The following GATM variants were observed in gnomAD, a reference collection of about 807,000 sequenced individuals.
GATM encodes the protein glycine amidinotransferase, mitochondrial.
Under a neutral mutation model 54.2 loss-of-function variants are expected in GATM, and 23 were observed. The ratio of observed to expected loss-of-function variants is 0.42; its 90% confidence interval spans 0.31 to 0.60. The LOEUF is 0.60. Ranked by LOEUF, GATM falls within the 20% of genes least tolerant of loss-of-function variation. The probability of loss-of-function intolerance (pLI) is 0.14; values close to 1 mark genes in which losing one functional copy is unlikely to be tolerated. For missense variants in GATM, 401 were observed against 544.9 expected, an observed-to-expected ratio of 0.74 and a Z score of 2.63; for synonymous variants, 168 against 183.1, an observed-to-expected ratio of 0.92 and a Z score of 0.67.
chr15:45,394,613 G>A (rs1889907129), intron 3 of GATM, among the ~76,000 whole-genome samples: 1 of 152,160 alleles, frequency 6.6e-6, no homozygotes, highest in African/African-American at 2.4e-5. Context: ...AACATACTGA[G>A]TTCACTCAAA....
rs992583136 is a variant in GATM, at chr15:45,365,005, C to T, written c.979-145G>A. On this transcript the variant is annotated intron_variant, in intron 6 of 8. Coordinates refer to ENST00000396659, the MANE Select transcript of GATM (RefSeq NM_001482.3). ...AAAGAAAGAAATTAAAATTTCTAAA[C>T]ATTTGGGTGATTTTGTCTGAATCCT... The T allele has an allele frequency of 1.7e-4, 117 of 703,910 alleles. No individual in the cohort carries two copies. In the Middle Eastern group the frequency reaches 3.9e-3, roughly 24 times the overall value. The allele number at this position is 703,910 out of a possible 1,614,324, so 43.6% of individuals were successfully genotyped here.
intron 3 of GATM, among the ~76,000 whole-genome samples, chr15:45,395,180 C>A (rs1220964494): frequency 6.6e-6 from 1 of 152,198 alleles, no homozygotes; most frequent in African/African-American, 2.4e-5. Flanking sequence ...TGCAGACAAT[C>A]TCTATCCTAT....
chr15:45,374,351 A>G (rs1595485109), intron 2 of GATM, among the ~76,000 whole-genome samples: 2 of 152,240 alleles, frequency 1.3e-5, no homozygotes, highest in Admixed American at 6.5e-5. Flanking sequence ...GTAAAATCGC[A>G]TGATATGAAA....
intron 3 of GATM, among the ~76,000 whole-genome samples, chr15:45,385,928 T>C (rs917549176): frequency 2.6e-5 from 4 of 152,246 alleles, no homozygotes; most frequent in Non-Finnish European, 5.9e-5. Flanking sequence ...CTGTCATTTC[T>C]ACTCAAATTT....
At chr15:45,399,780 A>G (rs1889976999) in intron 1 of GATM, among the ~76,000 whole-genome samples, 2 of 152,262 alleles carry the variant, frequency 1.3e-5, no homozygotes, top group Non-Finnish European at 1.5e-5. Context: ...ACAATCCTGT[A>G]GCCTTCAGGC....
chr15:45,396,340 A>G (rs1889929997), intron 3 of GATM: 1 of 152,208 alleles, frequency 6.6e-6, no homozygotes, highest in Non-Finnish European at 1.5e-5. Context: ...CAGATTTAAT[A>G]TAACTCAGAT....
At chr15:45,370,719 C>T (rs564624586) in intron 2 of GATM, among the ~76,000 whole-genome samples, 3 of 152,264 alleles carry the variant, frequency 2.0e-5, no homozygotes, top group Admixed American at 1.3e-4. Context: ...AATCAGTTTG[C>T]TAAAAATTAT....
intron 2 of GATM, among the ~76,000 whole-genome samples, chr15:45,371,843 T>A (rs529483263): frequency 1.2e-3 from 184 of 152,370 alleles, no homozygotes; most frequent in Middle Eastern, 3.4e-3. Flanking sequence ...TCAAGACTGA[T>A]CAAATGTCTA....
chr15:45,363,614 G>T, intron 8 of GATM: 4 of 521,046 alleles, frequency 7.7e-6, no homozygotes, highest in Non-Finnish European at 1.4e-5. Flanking sequence ...CCTGCAAAGG[G>T]GTGGTTTTCT....
intron 6 of GATM, among the ~76,000 whole-genome samples, chr15:45,365,092 T>C (rs1277559672): frequency 2.0e-5 from 3 of 152,236 alleles, no homozygotes; most frequent in Non-Finnish European, 4.4e-5. Flanking sequence ...TGTTACAGCT[T>C]TTAAAGATAG....
upstream of GATM, chr15:45,380,123 CAAAAAAAAAAAAAAAA>C (rs71114345): frequency 1.2e-4 from 3 of 24,906 alleles, no homozygotes; most frequent in East Asian, 3.1e-3. Context: ...GACTCCGTCT[CAAAAAAAAAAAAAAAA>C]AAAAAAAAAA....
intron 2 of GATM, among the ~76,000 whole-genome samples, chr15:45,373,728 A>G (rs1187719015): frequency 1.3e-5 from 2 of 152,138 alleles, no homozygotes; most frequent in Non-Finnish European, 2.9e-5. Context: ...CAAACTGATT[A>G]ATATATGTGT....
rs1055557027 is a variant in GATM, at chr15:45,389,532, C to T, written c.-319+7390G>A. Among the ~76,000 whole-genome samples the T allele has an allele frequency of 2.0e-5, 3 of 152,226 alleles. No individual in the cohort carries two copies. The South Asian group carries it at 6.2e-4, about 32-fold the overall frequency. ...AATCTGGGCTCACTGCAAGCTCCAC[C>T]TCCCAGGCTGAAGTGATCCTCCCAC... On this transcript the variant is annotated intron_variant, in intron 3 of 4. Coordinates refer to the GATM transcript ENST00000561148.
At chr15:45,381,369 T>C (rs554292930), upstream of GATM, among the ~76,000 whole-genome samples, 3 of 152,124 alleles carry the variant, frequency 2.0e-5, no homozygotes, top group Non-Finnish European at 4.4e-5. Context: ...ACCAGAAGCA[T>C]GGCAAAAATT....
chr15:45,367,355 A>G (rs1889466861), intron 4 of GATM, among the ~76,000 whole-genome samples: 2 of 141,404 alleles, frequency 1.4e-5, no homozygotes, highest in South Asian at 4.5e-4. Flanking sequence ...AAAAAAAAAA[A>G]GTGATACAGA....
chr15:45,376,818 A>T lies in GATM; in HGVS notation c.71T>A (p.Leu24His). 6.2e-7 allele frequency: 1 copy of T among 1,613,192 alleles called. No individual in the cohort carries two copies. Residue 24 changes from leucine to histidine, a missense_variant and splice_region_variant, in exon 2 of 9, where the codon CTT becomes CAT. Around this residue, in one of 3 missense-constraint regions of GATM, gnomAD observed 70 missense variants for 61.5 expected, o/e 1.14. Coordinates refer to ENST00000396659, the MANE Select transcript of GATM (RefSeq NM_001482.3). Reference protein sequence around the residue: ...AEAVHYIGSRLGRTLTGWVQR... With the variant: ...AEAVHYIGSRHGRTLTGWVQR... ...CACCCATCCTGTCAAGGTTCGTCCA[A>T]GCTTCCAAGAACAAAGAAAAGATTA...
chr15:45,378,993 A>T (rs1889696388), upstream of GATM: 1 of 152,234 alleles, frequency 6.6e-6, no homozygotes, highest in Non-Finnish European at 1.5e-5. Context: ...TCTTGGTGCA[A>T]CATCGGGTTT....
chr15:45,378,553 G>A (rs571164584), upstream of GATM: 214 of 947,392 alleles, frequency 2.3e-4, 3 homozygotes, highest in South Asian at 5.0e-3. Context: ...GTGGGCGGGC[G>A]CGCGGGGCCC....
chr15:45,365,925 G>C (rs560357675), intron 6 of GATM, 121 bp downstream of exon 6: 2 of 887,790 alleles, frequency 2.3e-6, no homozygotes, highest in South Asian at 2.8e-5. Context: ...TAATAATGTT[G>C]AGTACTGCTG....
Sources: gnomAD v4.1 joint callset for allele counts (sites outside exome capture counted in the v4.1 genomes callset) on GRCh38, gnomAD v4.1.1 for gene constraint, gnomAD v4.1.1 regional missense constraint, MANE v1.5 for transcripts, NCBI Gene and HGNC (gene_info 2026-07-23, HGNC 2026-07-21) for gene names.